The following CFAP276 variants were observed in gnomAD, a reference collection of about 807,000 sequenced individuals.
The protein encoded by CFAP276 is cilia- and flagella-associated protein 276.
At chr1:109,106,763 A>G in the CFAP276 span, 1 of 1,339,958 alleles carries the variant, frequency 7.5e-7, no homozygotes, top group Middle Eastern at 1.9e-4. Context: ...GCAGCCAAAG[A>G]CTCTTTTTAC....
chr1:109,112,744 G>T, the CFAP276 span: 13 of 1,535,654 alleles, frequency 8.5e-6, no homozygotes, highest in South Asian at 1.2e-5. Flanking sequence ...AGCCTCACTG[G>T]CATAAGATCC....
chr1:109,106,721 G>T, the CFAP276 span: 3 of 1,552,282 alleles, frequency 1.9e-6, no homozygotes, highest in Non-Finnish European at 2.6e-6. Flanking sequence ...GGTGAGGAAG[G>T]CAAGGTAGTT....
the CFAP276 span, chr1:109,107,034 T>G: frequency 1.9e-3 from 3,021 of 1,614,192 alleles, 43 homozygotes; most frequent in African/African-American, 0.031. Context: ...GGTTTTCTGG[T>G]TTAACAGTAT....
the CFAP276 span, among the ~76,000 whole-genome samples, chr1:109,113,015 C>A: frequency 0.076 from 11,510 of 152,240 alleles, 500 homozygotes; most frequent in Non-Finnish European, 0.087. Context: ...GGAAAGAAGT[C>A]CTGAAAGATG....
At chr1:109,113,226 C>T in the CFAP276 span, among the ~76,000 whole-genome samples, 2 of 151,812 alleles carry the variant, frequency 1.3e-5, no homozygotes, top group Non-Finnish European at 2.9e-5. Context: ...CCCGTCTCTA[C>T]AAAAAGTAGG....
the CFAP276 span, chr1:109,106,978 G>C: frequency 6.5e-7 from 1 of 1,540,080 alleles, no homozygotes; most frequent in Non-Finnish European, 9.0e-7. Flanking sequence ...GCATGTTTAG[G>C]CTGGAGAGGC....
chr1:109,113,765 A>T, the CFAP276 span: 1 of 1,458,404 alleles, frequency 6.9e-7, no homozygotes. Context: ...TAGAAAACGG[A>T]AATTTGTTGG....
At chr1:109,113,642 T>C in the CFAP276 span, 2 of 1,613,972 alleles carry the variant, frequency 1.2e-6, no homozygotes, top group Middle Eastern at 1.7e-4. Flanking sequence ...CTGGGGCCTC[T>C]TCCAGGCGAC....
chr1:109,110,538 C>T, the CFAP276 span, among the ~76,000 whole-genome samples: 9 of 152,154 alleles, frequency 5.9e-5, no homozygotes, highest in African/African-American at 9.7e-5. Context: ...CTGGGTTTTC[C>T]TCTTATTTCT....
chr1:109,107,875 AGCCC>A, the CFAP276 span: 8 of 1,444,824 alleles, frequency 5.5e-6, no homozygotes, highest in Admixed American at 4.1e-5. Context: ...AAAAAAAAAA[AGCCC>A]TAAACGGCTG....
the CFAP276 span, chr1:109,112,688 G>A: frequency 6.5e-7 from 1 of 1,550,064 alleles, no homozygotes; most frequent in South Asian, 1.2e-5. Flanking sequence ...ATGGCTAAAT[G>A]CCTAACTCTT....
chr1:109,106,823 G>T, the CFAP276 span: 1 of 924,786 alleles, frequency 1.1e-6, no homozygotes, highest in Non-Finnish European at 1.6e-6. Context: ...GCACAATCTT[G>T]GGAGATTTCT....
At chr1:109,113,603 G>A in the CFAP276 span, 1 of 1,612,462 alleles carries the variant, frequency 6.2e-7, no homozygotes, top group Non-Finnish European at 8.5e-7. Flanking sequence ...AAGATCTCCA[G>A]GAGTGGCCTT....
the CFAP276 span, chr1:109,113,796 A>G: frequency 4.3e-6 from 5 of 1,174,392 alleles, no homozygotes; most frequent in Non-Finnish European, 6.2e-6. Context: ...GGATGCTTCC[A>G]CTGTGTTCTT....
the CFAP276 span, among the ~76,000 whole-genome samples, chr1:109,112,414 A>C: frequency 6.6e-6 from 1 of 152,206 alleles, no homozygotes; most frequent in Non-Finnish European, 1.5e-5. Context: ...CTCTGCTCAA[A>C]AACGCCTCTG....
At chr1:109,112,665 C>T in the CFAP276 span, 7 of 1,550,268 alleles carry the variant, frequency 4.5e-6, no homozygotes, top group African/African-American at 5.5e-5. Context: ...GGAAAGGGTC[C>T]CGGGTGGGAG....
At chr1:109,113,233 T>C in the CFAP276 span, among the ~76,000 whole-genome samples, 12 of 151,180 alleles carry the variant, frequency 7.9e-5, no homozygotes, top group African/African-American at 2.7e-4. Flanking sequence ...CTACAAAAAG[T>C]AGGAAAAAAA....
chr1:109,107,837 C>T, the CFAP276 span: 1 of 1,127,334 alleles, frequency 8.9e-7, no homozygotes, highest in South Asian at 1.4e-5. Context: ...ATGATCAGGC[C>T]ACAGCATTCC....
the CFAP276 span, among the ~76,000 whole-genome samples, chr1:109,113,114 G>A: frequency 1.7e-3 from 257 of 152,290 alleles, no homozygotes; most frequent in Admixed American, 5.6e-3. Flanking sequence ...AGAGGGCCGG[G>A]CGCGGTGGTT....
Sources: allele counts gnomAD v4.1 joint callset (sites outside exome capture counted in the v4.1 genomes callset), GRCh38; gene constraint gnomAD v4.1.1; transcripts MANE v1.5; gene names NCBI Gene and HGNC (gene_info 2026-07-23, HGNC 2026-07-21).